Variants in LRRC72 observed in about 807,000 individuals in gnomAD.
LRRC72 encodes leucine-rich repeat-containing protein 72.
A neutral mutation model predicts 35.8 loss-of-function variants in LRRC72; 41 were observed. That is an observed-to-expected ratio of 1.15 (90% CI 0.89 to 1.49). The LOEUF is 1.49. LRRC72 is among the 40% of genes most tolerant of loss of function. The pLI is 0.00. For missense variants in LRRC72, 389 were observed against 330.7 expected, an observed-to-expected ratio of 1.18 and a Z score of -1.37; for synonymous variants, 118 against 119.2, an observed-to-expected ratio of 0.99 and a Z score of 0.07.
intron 1 of LRRC72, among the ~76,000 whole-genome samples, chr7:16,528,701 C>T (rs951954341): frequency 6.6e-6 from 1 of 152,148 alleles, no homozygotes; most frequent in Non-Finnish European, 1.5e-5. Flanking sequence ...GGCCCCCATA[C>T]ACATCACTGC....
In LRRC72 at chr7:16,558,903, C is replaced by A; in HGVS notation, c.331C>A (p.Pro111Thr). The A allele has an allele frequency of 6.8e-7, 1 of 1,466,370 alleles. No individual in the cohort carries two copies. The highest frequency in any genetic ancestry group is 9.1e-7 in the Non-Finnish European group (1 of 1,100,182). 90.8% of individuals were successfully genotyped at this position (1,466,370 alleles called of 1,614,324 possible). Residue 111 changes from proline to threonine, a missense_variant, in exon 5 of 9, where the codon CCT becomes ACT. Pro to Thr is a conservative substitution (Grantham distance 38). Coordinates refer to ENST00000401542, the MANE Select transcript of LRRC72 (RefSeq NM_001195280.2). Reference sequence around the variant, plus strand: ...GTTTTTTTTAGGTCTGCATTATTTGCCTTCATTGCATATACTCCTGCTACA... The same window carrying A: ...GTTTTTTTTAGGTCTGCATTATTTGACTTCATTGCATATACTCCTGCTACA... ...IFEIEGLHYL[P>T]SLHILLLHHN...
At chr7:16,560,526 T>C (rs977924490) in intron 5 of LRRC72, among the ~76,000 whole-genome samples, 2 of 152,162 alleles carry the variant, frequency 1.3e-5, no homozygotes, top group African/African-American at 4.8e-5. Flanking sequence ...TGTGAAAGAA[T>C]TGGCCTGCAT....
chr7:16,533,693 G>A (rs1782206288), intron 2 of LRRC72, among the ~76,000 whole-genome samples: 1 of 151,916 alleles, frequency 6.6e-6, no homozygotes, highest in African/African-American at 2.4e-5. Flanking sequence ...TATCAGTACA[G>A]AGAAAAGTGT....
At chr7:16,543,203 C>T (rs1782387491) in intron 3 of LRRC72, among the ~76,000 whole-genome samples, 1 of 152,092 alleles carries the variant, frequency 6.6e-6, no homozygotes, top group African/African-American at 2.4e-5. Context: ...ACTAGCTTGA[C>T]CACTAAGAGG....
At chr7:16,544,641 T>C (rs1782413525) in intron 3 of LRRC72, among the ~76,000 whole-genome samples, 1 of 152,224 alleles carries the variant, frequency 6.6e-6, no homozygotes, top group Admixed American at 6.5e-5. Context: ...CAACAATTTA[T>C]ATGGCACATA....
At chr7:16,547,327 T>A (rs911484973) in intron 3 of LRRC72, among the ~76,000 whole-genome samples, 2 of 149,290 alleles carry the variant, frequency 1.3e-5, no homozygotes, top group African/African-American at 5.0e-5. Flanking sequence ...CAGAGAGGAG[T>A]CCCAAGGCAG....
intron 3 of LRRC72, among the ~76,000 whole-genome samples, chr7:16,544,240 G>A (rs1386972804): frequency 6.6e-6 from 1 of 152,218 alleles, no homozygotes; most frequent in East Asian, 1.9e-4. Flanking sequence ...TATCTAGTGG[G>A]TGATAAAACT....
chr7:16,568,399 T>C (rs1332540470), intron 7 of LRRC72, among the ~76,000 whole-genome samples: 2 of 151,976 alleles, frequency 1.3e-5, no homozygotes, highest in African/African-American at 4.8e-5. Context: ...AAAGGGGAAA[T>C]TGAATTAAAA....
chr7:16,550,355 T>C (rs993562313), intron 3 of LRRC72, among the ~76,000 whole-genome samples: 1 of 152,234 alleles, frequency 6.6e-6, no homozygotes, highest in Non-Finnish European at 1.5e-5. Context: ...GGGGTATTTA[T>C]TCTTTCTGAC....
At chr7:16,541,469 C>T (rs922978786) in intron 3 of LRRC72, among the ~76,000 whole-genome samples, 1 of 152,154 alleles carries the variant, frequency 6.6e-6, no homozygotes, top group African/African-American at 2.4e-5. Flanking sequence ...AATGAAAGTG[C>T]TTTGGTATTA....
intron 7 of LRRC72, among the ~76,000 whole-genome samples, chr7:16,573,850 A>G (rs1782991088): frequency 6.6e-6 from 1 of 152,256 alleles, no homozygotes; most frequent in African/African-American, 2.4e-5. Flanking sequence ...AGAAACTGTC[A>G]TCAGAGTGAA....
At chr7:16,531,333 A>G (rs1257415939) in intron 1 of LRRC72, among the ~76,000 whole-genome samples, 3 of 152,160 alleles carry the variant, frequency 2.0e-5, no homozygotes, top group East Asian at 3.8e-4. Flanking sequence ...ACCTGAGCCT[A>G]TGAATGCTCC....
chr7:16,558,904 C>T lies in LRRC72; in HGVS notation c.332C>T (p.Pro111Leu), dbSNP rs1782696254. 1.4e-6 allele frequency: 2 copies of T among 1,466,880 alleles called. No homozygotes were observed. The highest frequency in any genetic ancestry group is 1.5e-5 in the South Asian group (1 of 68,444). The allele number at this position is 1,466,880 out of a possible 1,614,324, so 90.9% of individuals were successfully genotyped here. A position where few individuals can be genotyped will look rare whatever the true frequency, so the allele number is the denominator to read the frequency against. The change falls in exon 5 of 9, where the codon CCT becomes CTT. Residue 111 changes from proline (P) to leucine (L), a missense_variant. Transcript: ENST00000401542. ...IFEIEGLHYL[P>L]SLHILLLHHN... ...TTTTTTTTAGGTCTGCATTATTTGC[C>T]TTCATTGCATATACTCCTGCTACAC...
chr7:16,571,764 C>T (rs1426874999), intron 7 of LRRC72, among the ~76,000 whole-genome samples: 5 of 152,070 alleles, frequency 3.3e-5, no homozygotes, highest in Admixed American at 2.6e-4. Flanking sequence ...CAAAACTGGG[C>T]GGCCATTTGG....
chr7:16,565,757 G>T (rs778421083), intron 5 of LRRC72, among the ~76,000 whole-genome samples: 1 of 152,168 alleles, frequency 6.6e-6, no homozygotes, highest in Non-Finnish European at 1.5e-5. Context: ...TAGACAAGAT[G>T]CAAGAGCCAC....
intron 7 of LRRC72, among the ~76,000 whole-genome samples, chr7:16,574,043 G>A (rs1210048654): frequency 6.6e-6 from 1 of 151,926 alleles, no homozygotes; most frequent in Non-Finnish European, 1.5e-5. Flanking sequence ...ACAAACATAC[G>A]AAAAAAAGCT....
chr7:16,543,069 C>A (rs1489826273), intron 3 of LRRC72, among the ~76,000 whole-genome samples: 1 of 152,178 alleles, frequency 6.6e-6, no homozygotes, highest in Non-Finnish European at 1.5e-5. Flanking sequence ...AGTGTTCATA[C>A]TCCATCAAAA....
At chr7:16,557,817 C>G (rs577243863) in intron 4 of LRRC72, among the ~76,000 whole-genome samples, 1 of 152,152 alleles carries the variant, frequency 6.6e-6, no homozygotes, top group South Asian at 2.1e-4. Context: ...TGCTTTGACC[C>G]TGAATTAATT....
intron 7 of LRRC72, among the ~76,000 whole-genome samples, chr7:16,577,961 C>G (rs1783071943): frequency 6.6e-6 from 1 of 152,182 alleles, no homozygotes; most frequent in African/African-American, 2.4e-5. Context: ...GACCATATGG[C>G]AGTATCCACC....
Sources: gnomAD v4.1 joint callset for allele counts (sites outside exome capture counted in the v4.1 genomes callset) on GRCh38, gnomAD v4.1.1 for gene constraint, MANE v1.5 for transcripts, NCBI Gene and HGNC (gene_info 2026-07-23, HGNC 2026-07-21) for gene names.